The following REV3L variants were observed in gnomAD, a reference collection of about 807,000 sequenced individuals.
REV3L encodes REV3 like, DNA directed polymerase zeta catalytic subunit, also known as DNA polymerase zeta catalytic subunit.
In REV3L, 69 loss-of-function variants were observed where a neutral mutation model predicts 299.4. The ratio of observed to expected loss-of-function variants is 0.23; its 90% CI spans 0.19 to 0.28. The LOEUF is 0.28. Ranked by LOEUF, REV3L falls within the 10% of genes least tolerant of loss-of-function variation. REV3L has a pLI of 1.00. For synonymous variants in REV3L, 1,238 were observed against 1,271.4 expected, an observed-to-expected ratio of 0.97 and a Z score of 0.56; for missense variants, 3,128 against 3,693.8, an observed-to-expected ratio of 0.85 and a Z score of 3.97.
At chr6:111,317,733 A>C (rs1443839480) in intron 26 of REV3L, among the ~76,000 whole-genome samples, 1 of 152,200 alleles carries the variant, frequency 6.6e-6, no homozygotes, top group African/African-American at 2.4e-5. Flanking sequence ...TGGAGGCTGA[A>C]GTGGAGGACT....
chr6:111,405,355 G>T, intron 4 of REV3L, 115 bp downstream of exon 4: 2 of 626,550 alleles, frequency 3.2e-6, no homozygotes, highest in Non-Finnish European at 4.8e-6. Context: ...TCATTCTTTA[G>T]TCACTCAACA....
At chr6:111,470,546 G>T (rs775579654) in intron 1 of REV3L, among the ~76,000 whole-genome samples, 1 of 152,080 alleles carries the variant, frequency 6.6e-6, no homozygotes, top group Non-Finnish European at 1.5e-5. Context: ...TTACCACCTC[G>T]TTTAGTAAAA....
chr6:111,470,174 T>A (rs1016461293), intron 1 of REV3L, among the ~76,000 whole-genome samples: 6 of 150,252 alleles, frequency 4.0e-5, no homozygotes, highest in Admixed American at 6.6e-5. Flanking sequence ...TTACTATCTC[T>A]CACACACACA....
intron 4 of REV3L, among the ~76,000 whole-genome samples, chr6:111,397,617 T>C (rs764899556): frequency 1.3e-5 from 2 of 152,162 alleles, no homozygotes; most frequent in East Asian, 1.9e-4. Context: ...AAATGTCTGT[T>C]AGGTCCATTT....
intron 5 of REV3L, among the ~76,000 whole-genome samples, chr6:111,392,425 A>T (rs1029633085): frequency 6.6e-6 from 1 of 152,206 alleles, no homozygotes; most frequent in African/African-American, 2.4e-5. Flanking sequence ...TCAATAATGA[A>T]ACAAATAAAT....
chr6:111,382,793 C>T (rs1487827338), intron 9 of REV3L, among the ~76,000 whole-genome samples: 1 of 152,088 alleles, frequency 6.6e-6, no homozygotes, highest in African/African-American at 2.4e-5. Flanking sequence ...ACCCCCCCTC[C>T]CCCAACCTTC....
At chr6:111,439,846 C>T (rs1788037215) in intron 1 of REV3L, among the ~76,000 whole-genome samples, 1 of 152,118 alleles carries the variant, frequency 6.6e-6, no homozygotes, top group Non-Finnish European at 1.5e-5. Context: ...ACAGAAAGGG[C>T]CCAATTCCTC....
chr6:111,322,179 G>A (rs750453208), intron 26 of REV3L, among the ~76,000 whole-genome samples: 3 of 152,138 alleles, frequency 2.0e-5, no homozygotes, highest in Non-Finnish European at 2.9e-5. Flanking sequence ...TCTGGCAATT[G>A]TCCTTCAAAA....
intron 22 of REV3L, 106 bp from the exon 23 acceptor site, chr6:111,333,473 A>T: frequency 1.5e-6 from 2 of 1,309,802 alleles, no homozygotes; most frequent in Non-Finnish European, 2.0e-6. Context: ...ATAAGATTGT[A>T]TGACTTTTTT....
At chr6:111,370,851 T>G (rs1360441499) in intron 13 of REV3L, among the ~76,000 whole-genome samples, 2 of 152,318 alleles carry the variant, frequency 1.3e-5, no homozygotes, top group East Asian at 3.9e-4. Flanking sequence ...TTACAATCGA[T>G]GAACCTATGT....
At chr6:111,323,279 T>G (rs1045249139) in intron 25 of REV3L, among the ~76,000 whole-genome samples, 2 of 152,210 alleles carry the variant, frequency 1.3e-5, no homozygotes, top group African/African-American at 2.4e-5. Flanking sequence ...TGAGCCACCG[T>G]GCCCGACCTA....
At chr6:111,319,722 G>A (rs999217985) in intron 26 of REV3L, among the ~76,000 whole-genome samples, 1 of 152,062 alleles carries the variant, frequency 6.6e-6, no homozygotes, top group Non-Finnish European at 1.5e-5. Flanking sequence ...TTGATGATGA[G>A]GCAACTAAGC....
chr6:111,388,688 C>G (rs1164101534), intron 7 of REV3L, among the ~76,000 whole-genome samples: 1 of 152,122 alleles, frequency 6.6e-6, no homozygotes, highest in Non-Finnish European at 1.5e-5. Flanking sequence ...ATGACATACT[C>G]AGAAAATAAA....
chr6:111,333,052 CAG>C (rs1775551691), intron 23 of REV3L, 69 bp downstream of exon 23: 1 of 1,545,458 alleles, frequency 6.5e-7, no homozygotes, highest in Non-Finnish European at 8.8e-7. Context: ...AAGAGACACT[CAG>C]AAAGTGTCTA....
intron 14 of REV3L, 144 bp from the exon 15 acceptor site, chr6:111,365,488 A>G (rs1046064075): frequency 6.9e-6 from 3 of 436,986 alleles, no homozygotes; most frequent in African/African-American, 2.1e-5. Flanking sequence ...TAATTTAAAA[A>G]TGAAATTCAA....
chr6:111,465,026 G>A (rs942578824), intron 1 of REV3L, among the ~76,000 whole-genome samples: 6 of 151,314 alleles, frequency 4.0e-5, no homozygotes, highest in African/African-American at 1.5e-4. Flanking sequence ...CACATAAAAC[G>A]GTCTATGCTG....
chr6:111,410,806 C>G (rs1784164340), intron 3 of REV3L, among the ~76,000 whole-genome samples: 1 of 152,088 alleles, frequency 6.6e-6, no homozygotes. Context: ...TTTTGGAACC[C>G]AGTACCTACT....
intron 1 of REV3L, among the ~76,000 whole-genome samples, chr6:111,459,696 C>A (rs1322775357): frequency 6.6e-6 from 1 of 151,870 alleles, no homozygotes; most frequent in Non-Finnish European, 1.5e-5. Context: ...CAGAGAAATG[C>A]AAATCAAAAT....
Position 111,374,344 on chromosome 6 carries a change from T to C in REV3L, c.4011A>G (p.Gln1337=). The change falls in exon 13 of 32, where the codon CAA becomes CAG. Residue 1337 remains glutamine, a synonymous_variant. Transcript: ENST00000368802. ...ACATAGCACTTTGATTATGAGGCCT[T>C]TGAACATTAATTTTTGAGACTCCAG... The part of the protein sequence containing the change: ...IGPGVSKINV[Q]RPHNQSAMFT... The C allele has an allele frequency of 6.2e-7, 1 of 1,613,988 alleles. No homozygotes were observed. The highest frequency in any genetic ancestry group is 8.5e-7 in the Non-Finnish European group (1 of 1,179,924).
Sources: gnomAD v4.1 joint callset for allele counts (sites outside exome capture counted in the v4.1 genomes callset) on GRCh38, gnomAD v4.1.1 for gene constraint, MANE v1.5 for transcripts, NCBI Gene and HGNC (gene_info 2026-07-23, HGNC 2026-07-21) for gene names.